CEP170B: variants seen among roughly 807,000 people sequenced by gnomAD.
CEP170B encodes centrosomal protein 170B.
Under a neutral mutation model 120.6 loss-of-function variants are expected in CEP170B, and 55 were observed. That is an observed-to-expected ratio of 0.46 (90% CI 0.37 to 0.57). The LOEUF (loss-of-function observed/expected upper bound fraction) is 0.57, where lower values mean the gene tolerates loss of function less well. CEP170B is among the 20% of genes least tolerant of loss of function. CEP170B has a pLI of 0.00. For synonymous variants in CEP170B, 1,033 were observed against 954.5 expected (o/e 1.08, Z -1.52); for missense variants, 2,212 against 2,253.3 (o/e 0.98, Z 0.37).
Position 104,884,526 on chromosome 14 carries a change from G to A in CEP170B, c.1747G>A (p.Glu583Lys). The stretch of plus-strand genomic sequence containing the variant: ...CGAGGCGCAGGACACGGAGGTGGAG[G>A]AGGCCCGGAAGATGATCGACCAGGT... ...ETEAQDTEVEEARKMIDQVFG... is the reference protein window; with the variant it reads ...ETEAQDTEVEKARKMIDQVFG... The change falls in exon 9 of 19, where the codon GAG becomes AAG. Residue 583 changes from glutamate (E) to lysine (K), a missense_variant. This residue lies in a region of CEP170B where 2,166 missense variants were observed against 2,166.7 expected (regional missense o/e 1.00). Coordinates refer to ENST00000414716, the MANE Select transcript of CEP170B (RefSeq NM_001112726.3). The A allele has an allele frequency of 6.4e-7, 1 of 1,563,326 alleles. No homozygotes were observed. The highest frequency in any genetic ancestry group is 1.2e-5 in the South Asian group (1 of 84,768).
chr14:104,886,466 G>A lies in CEP170B; in HGVS notation c.2227G>A (p.Asp743Asn). 6.4e-7 allele frequency: 1 copy of A among 1,558,230 alleles called. No homozygotes were observed. Among genetic ancestry groups the A allele is most frequent in the Non-Finnish European group, 8.7e-7 (1 of 1,154,582 alleles). ...PSRLFGQEEL[D>N]PDSLSDASGS... ...CCGCCTCTTCGGCCAGGAGGAGTTG[G>A]ATCCTGACAGCCTCAGCGATGCCAG... Residue 743 changes from aspartate (D) to asparagine (N), a missense_variant, in exon 12 of 19, where the codon GAT (aspartate) becomes AAT (asparagine). This residue lies in a region of CEP170B where 2,166 missense variants were observed against 2,166.7 expected (regional missense o/e 1.00). Coordinates refer to ENST00000414716, the MANE Select transcript of CEP170B (RefSeq NM_001112726.3).
intron 6 of CEP170B, among the ~76,000 whole-genome samples, chr14:104,882,491 C>T (rs1896208700): frequency 6.6e-6 from 1 of 151,724 alleles, no homozygotes; most frequent in Non-Finnish European, 1.5e-5. Context: ...AGGCAGGGAG[C>T]CTCTAAGCAC....
intron 2 of CEP170B, among the ~76,000 whole-genome samples, chr14:104,872,319 C>T (rs570749075): frequency 7.1e-5 from 2 of 28,114 alleles, no homozygotes; most frequent in Non-Finnish European, 9.5e-5. Context: ...GCGTGTGTGC[C>T]GTGGGTGTGC....
chr14:104,878,805 C>T (rs924600501), intron 5 of CEP170B, among the ~76,000 whole-genome samples: 11 of 152,212 alleles, frequency 7.2e-5, no homozygotes, highest in South Asian at 6.2e-4. Flanking sequence ...TGGGAGGAGC[C>T]GGGCTGCATG....
intron 4 of CEP170B, 31 bp from the exon 5 acceptor site, chr14:104,878,412 C>T (rs1353053968): frequency 1.9e-6 from 3 of 1,608,700 alleles, no homozygotes; most frequent in Non-Finnish European, 2.5e-6. Flanking sequence ...CCTGGCTCTT[C>T]TGCTCTGTGT....
intron 12 of CEP170B, among the ~76,000 whole-genome samples, chr14:104,888,283 C>T (rs575311323): frequency 3.9e-5 from 6 of 152,340 alleles, no homozygotes; most frequent in African/African-American, 1.4e-4. Flanking sequence ...GCCCTCCCCA[C>T]TCTTCCTGTA....
In CEP170B at chr14:104,868,349, G is replaced by A; in HGVS notation, c.-27-75G>A. ...CTTCCCTTAGAGGGTCAGGATCTGG[G>A]CTGGGCCTTGGATGTGTCCAGGGGG... On this transcript the variant is annotated intron_variant, in intron 1 of 18. Coordinates refer to ENST00000414716, the MANE Select transcript of CEP170B (RefSeq NM_001112726.3). The surrounding 1 kb of genome is among the most constrained non-coding windows in gnomAD (Gnocchi z 5.9). 5.7e-6 allele frequency: 6 copies of A among 1,046,626 alleles called. No homozygotes were observed. The highest frequency in any genetic ancestry group is 8.3e-6 in the Non-Finnish European group (6 of 720,068). The allele number at this position is 1,046,626 out of a possible 1,614,324, so 64.8% of individuals were successfully genotyped here. A position where few individuals can be genotyped will look rare whatever the true frequency, so the allele number is the denominator to read the frequency against.
intron 14 of CEP170B, 54 bp downstream of exon 14, chr14:104,893,189 C>A: frequency 6.4e-7 from 1 of 1,550,632 alleles, no homozygotes; most frequent in Non-Finnish European, 8.7e-7. Flanking sequence ...CGAGGAGGGT[C>A]AGGCCAGGTC....
At chr14:104,889,578 G>A (rs201476300) in intron 12 of CEP170B, 42 bp from the exon 13 acceptor site, 6 of 1,604,424 alleles carry the variant, frequency 3.7e-6, no homozygotes, top group East Asian at 2.2e-5. Flanking sequence ...TACGGCTCCC[G>A]CCACGGCTCC....
rs561418540 is a variant in CEP170B, at chr14:104,896,704, G to T, written c.*1746G>T. 2 of 455,598 alleles carry T rather than the reference G, an allele frequency of 4.4e-6. No homozygotes were observed. Among genetic ancestry groups the T allele is most frequent in the South Asian group, 1.5e-5 (1 of 64,548 alleles). 28.2% of individuals were successfully genotyped at this position (455,598 alleles called of 1,614,324 possible). On this transcript the variant is annotated 3_prime_UTR_variant, in exon 19 of 19. Coordinates refer to ENST00000414716, the MANE Select transcript of CEP170B (RefSeq NM_001112726.3). The stretch of plus-strand genomic sequence containing the variant: ...GGAAAATGGTTATTTTATATGATTT[G>T]TCATGGAATTTGTTCTAATAAATCA...
chr14:104,887,775 C>A lies in CEP170B; in HGVS notation c.3536C>A (p.Ser1179Tyr). The A allele has an allele frequency of 6.3e-7, 1 of 1,583,904 alleles. No individual in the cohort carries two copies. Among genetic ancestry groups the A allele is most frequent in the Admixed American group, 1.8e-5 (1 of 57,080 alleles). The part of the protein sequence containing the change: ...ILAMPRKRAG[S>Y]FTGTSDPEAA... ...GCCATGCCCCGGAAGCGGGCCGGCT[C>A]CTTCACAGGGACTAGTGACCCCGAG... The change falls in exon 12 of 19, where the codon TCC (serine) becomes TAC (tyrosine). Residue 1179 changes from serine to tyrosine, a missense_variant. Transcript: ENST00000414716.
Position 104,887,292 on chromosome 14 carries a change from C to A in CEP170B, c.3053C>A (p.Thr1018Lys), listed in dbSNP as rs745868472. The A allele has an allele frequency of 6.2e-7, 1 of 1,609,374 alleles. No homozygotes were observed. The highest frequency in any genetic ancestry group is 1.7e-5 in the Admixed American group (1 of 59,782). Reference protein sequence around the residue: ...SERQHHPLGPTDMGRGEPVRR... With the variant: ...SERQHHPLGPKDMGRGEPVRR... The stretch of plus-strand genomic sequence containing the variant: ...AGGCAGCATCACCCACTTGGCCCGA[C>A]GGACATGGGCCGTGGAGAGCCGGTA... Residue 1018 changes from threonine (T) to lysine (K), a missense_variant, in exon 12 of 19, where the codon ACG (threonine) becomes AAG (lysine). Physicochemically the swap from Thr to Lys is moderately conservative, Grantham distance 78. Coordinates refer to ENST00000414716, the MANE Select transcript of CEP170B (RefSeq NM_001112726.3).
At position 104,868,471 on chromosome 14, in the gene CEP170B, C is replaced by T. The variant is rs1425603517; in HGVS notation, c.21C>T (p.Phe7=). 5.2e-6 allele frequency: 8 copies of T among 1,549,052 alleles called. No homozygotes were observed. The African/African-American group carries it at 5.5e-5, about 11-fold the overall frequency. The change falls in exon 2 of 19, where the codon TTC becomes TTT. Residue 7 remains phenylalanine, a synonymous_variant. Transcript: ENST00000414716. The surrounding 1 kb of genome is among the most constrained non-coding windows in gnomAD (Gnocchi z 5.9). MSATSW[F]LVSSSGARHR... is the part of the protein sequence containing the mutation. ...CCAAGATGAGTGCCACGTCCTGGTT[C>T]CTGGTGAGCAGCAGCGGCGCCCGCC...
chr14:104,881,135 G>A (rs548370966), intron 6 of CEP170B, among the ~76,000 whole-genome samples: 1 of 152,298 alleles, frequency 6.6e-6, no homozygotes, highest in African/African-American at 2.4e-5. Flanking sequence ...GGTGGTTTCT[G>A]ATGAAACCTG....
chr14:104,871,104 C>T (rs1369569124), intron 2 of CEP170B, among the ~76,000 whole-genome samples: 1 of 152,006 alleles, frequency 6.6e-6, no homozygotes, highest in Admixed American at 6.5e-5. Flanking sequence ...TTGGCACCTG[C>T]GCCAGGACCC....
At chr14:104,864,935 G>A (rs1169806198), upstream of CEP170B, among the ~76,000 whole-genome samples, 1 of 151,866 alleles carries the variant, frequency 6.6e-6, no homozygotes, top group African/African-American at 2.4e-5. The surrounding 1 kb of genome is among the most constrained non-coding windows in gnomAD (Gnocchi z 5.9). Context: ...TCCGCCCGTC[G>A]AGCTGGGGCC....
At chr14:104,881,683 C>T (rs556087584) in intron 6 of CEP170B, among the ~76,000 whole-genome samples, 8 of 152,252 alleles carry the variant, frequency 5.3e-5, no homozygotes, top group African/African-American at 1.7e-4. Flanking sequence ...TCCGTTAGAG[C>T]GAGGGCAGCA....
At chr14:104,869,720 C>T (rs542683648) in intron 2 of CEP170B, among the ~76,000 whole-genome samples, 1 of 152,310 alleles carries the variant, frequency 6.6e-6, no homozygotes, top group Non-Finnish European at 1.5e-5. Context: ...GAAGCTGGCT[C>T]ACCCCTTCTG....
In CEP170B at chr14:104,887,098, C is replaced by G; in HGVS notation, c.2859C>G (p.Asp953Glu). 6.2e-7 allele frequency: 1 copy of G among 1,611,298 alleles called. No homozygotes were observed. The highest frequency in any genetic ancestry group is 1.1e-5 in the South Asian group (1 of 91,070). The change falls in exon 12 of 19, where the codon GAC becomes GAG. Residue 953 changes from aspartate (D) to glutamate (E), a missense_variant. Physicochemically the swap from Asp to Glu is conservative, Grantham distance 45. Coordinates refer to ENST00000414716, the MANE Select transcript of CEP170B (RefSeq NM_001112726.3). ...CGCCGGAGGACGCCCTGTCTGGGGACTCGGACGTGGACACAGCCAGCACCG... is the reference window on the plus strand; with the variant it reads ...CGCCGGAGGACGCCCTGTCTGGGGAGTCGGACGTGGACACAGCCAGCACCG... ...PRPPEDALSG[D>E]SDVDTASTVS...
Sources: allele counts gnomAD v4.1 joint callset (sites outside exome capture counted in the v4.1 genomes callset), GRCh38; gene constraint gnomAD v4.1.1; regional missense constraint gnomAD v4.1.1; non-coding constraint Gnocchi (gnomAD v3.1); transcripts MANE v1.5; gene names NCBI Gene and HGNC (gene_info 2026-07-23, HGNC 2026-07-21).